SPTAN1: variants seen among roughly 807,000 people sequenced by gnomAD.
SPTAN1 encodes the protein spectrin alpha chain, non-erythrocytic 1.
SPTAN1 carries 61 observed loss-of-function variants against 331.3 expected under a neutral mutation model. The ratio of observed to expected loss-of-function variants is 0.18; its 90% confidence interval spans 0.15 to 0.23. The LOEUF (loss-of-function observed/expected upper bound fraction) is 0.23. Among genes scored for constraint, SPTAN1 ranks in the 10% least tolerant of loss-of-function variants. The pLI, the probability that SPTAN1 is intolerant of heterozygous loss-of-function variation, is 1.00. For synonymous variants in SPTAN1, 1,153 were observed against 1,173.9 expected (o/e 0.98, Z 0.36); for missense variants, 2,043 against 3,147.9 (o/e 0.65, Z 8.40).
intron 43 of SPTAN1, 42 bp downstream of exon 43, chr9:128,618,150 GC>G (rs945853139): frequency 1.2e-6 from 2 of 1,611,186 alleles, no homozygotes; most frequent in Non-Finnish European, 1.7e-6. Flanking sequence ...CAAGTGGAAG[GC>G]CAGCACCCAA....
At chr9:128,630,592 C>T (rs1181896077) in intron 52 of SPTAN1, 5 of 523,644 alleles carry the variant, frequency 9.5e-6, no homozygotes, top group African/African-American at 4.1e-5. Context: ...TGCAGTGGTG[C>T]GATATTGGCT....
chr9:128,594,414 G>A (rs1418618632), intron 24 of SPTAN1, 41 bp downstream of exon 24: 4 of 1,066,504 alleles, frequency 3.8e-6, no homozygotes, highest in East Asian at 2.5e-5. Context: ...TTTGTTTAAA[G>A]ATTTGAGTCT....
At position 128,632,794 on chromosome 9, in the gene SPTAN1, T is replaced by TC. The variant is rs750347402; in HGVS notation, c.7161-9dup. The TC allele has an allele frequency of 5.0e-6, 8 of 1,613,910 alleles. No individual in the cohort carries two copies. Among genetic ancestry groups the TC allele is most frequent in the South Asian group, 1.1e-5 (1 of 91,072 alleles). On this transcript the variant is annotated splice_polypyrimidine_tract_variant and intron_variant, in intron 55 of 56. Transcript: ENST00000372739. Reference sequence around the variant, plus strand: ...TGCCCTCCCTGCTCAGGCTCTTGCTTCCCCCGCTCCTAGAGATGGCCATGT... The same window carrying TC: ...TGCCCTCCCTGCTCAGGCTCTTGCTTCCCCCCGCTCCTAGAGATGGCCATGT...
At position 128,607,966 on chromosome 9, in the gene SPTAN1, G is replaced by T. The variant is rs749333383; in HGVS notation, c.4261G>T (p.Asp1421Tyr). The change falls in exon 33 of 57, where the codon GAT becomes TAT. Residue 1421 changes from aspartate to tyrosine, a missense_variant. Physicochemically the swap from Asp to Tyr is radical, Grantham distance 160. Coordinates refer to ENST00000372739, the MANE Select transcript of SPTAN1 (RefSeq NM_001130438.3). Reference protein sequence around the residue: ...YASPEIKQKLDILDQERADLE... With the variant: ...YASPEIKQKLYILDQERADLE... ...CAGCCCTGAGATCAAGCAGAAACTTGATATTCTTGACCAGGAGCGTGCAGA... is the reference window on the plus strand; with the variant it reads ...CAGCCCTGAGATCAAGCAGAAACTTTATATTCTTGACCAGGAGCGTGCAGA... 5.0e-6 allele frequency: 8 copies of T among 1,614,142 alleles called. No homozygotes were observed. In the East Asian group the frequency reaches 1.8e-4, roughly 36 times the overall value.
At position 128,574,737 on chromosome 9, in the gene SPTAN1, A is replaced by C. The variant is rs766860881; in HGVS notation, c.426A>C (p.Gly142=). ...TTTTGGAGAAGATGCGAGAAAAAGGAATCAAACTGCTGCAGGCCCAGAAGT... is the reference window on the plus strand; with the variant it reads ...TTTTGGAGAAGATGCGAGAAAAAGGCATCAAACTGCTGCAGGCCCAGAAGT... ...ELLLEKMREK[G]IKLLQAQKLV... Residue 142 remains glycine, a synonymous_variant, in exon 4 of 57, where the codon GGA becomes GGC. Coordinates refer to ENST00000372739, the MANE Select transcript of SPTAN1 (RefSeq NM_001130438.3). 4 of 1,614,222 alleles carry C rather than the reference A, an allele frequency of 2.5e-6. No homozygotes were observed. Among genetic ancestry groups the C allele is most frequent in the East Asian group, 4.5e-5 (2 of 44,890 alleles).
At chr9:128,583,717 A>G in intron 15 of SPTAN1, 71 bp from the exon 16 acceptor site, 8 of 1,508,738 alleles carry the variant, frequency 5.3e-6, no homozygotes, top group Middle Eastern at 1.7e-4. Flanking sequence ...CTAAGATACT[A>G]CTGTTCATGG....
Position 128,587,484 on chromosome 9 carries a change from A to G in SPTAN1, c.2779-122A>G. ...ATATTAGCACTGTAAGAAGGGCAGGAGGTGATTACGTCATTGTGCAACTGA... is the reference window on the plus strand; with the variant it reads ...ATATTAGCACTGTAAGAAGGGCAGGGGGTGATTACGTCATTGTGCAACTGA... On this transcript the variant is annotated intron_variant, in intron 19 of 56. Transcript: ENST00000372739. 1.7e-5 allele frequency: 13 copies of G among 770,522 alleles called. 1 individual carries two copies. The South Asian group carries it at 1.8e-4, about 11-fold the overall frequency. 47.7% of individuals were successfully genotyped at this position (770,522 alleles called of 1,614,324 possible).
At chr9:128,628,807 C>T (rs1377906004) in intron 51 of SPTAN1, 10 of 264,994 alleles carry the variant, frequency 3.8e-5, no homozygotes, top group African/African-American at 8.8e-5. Context: ...TCGCAGTTTC[C>T]GGCCTGTGCC....
intron 10 of SPTAN1, 90 bp downstream of exon 10, chr9:128,579,828 A>T: frequency 9.4e-7 from 1 of 1,065,748 alleles, no homozygotes; most frequent in Non-Finnish European, 1.4e-6. Context: ...ATATCCAGAG[A>T]ACGCATTCAC....
chr9:128,555,987 T>C (rs944322730), intron 1 of SPTAN1, among the ~76,000 whole-genome samples: 15 of 152,068 alleles, frequency 9.9e-5, no homozygotes, highest in African/African-American at 3.4e-4. Context: ...TTTGGGAGGC[T>C]AAGGTGGGTG....
At chr9:128,575,172 T>A in intron 4 of SPTAN1, 27 bp from the exon 5 acceptor site, 1 of 1,614,192 alleles carries the variant, frequency 6.2e-7, no homozygotes, top group Non-Finnish European at 8.5e-7. Context: ...GGTTGGTGAC[T>A]CTGGCTCTCT....
intron 52 of SPTAN1, 110 bp from the exon 53 acceptor site, chr9:128,632,017 G>C: frequency 9.1e-7 from 1 of 1,103,676 alleles, no homozygotes; most frequent in Non-Finnish European, 1.3e-6. Flanking sequence ...CTTGTTTTAC[G>C]AGGTCTCAGG....
Position 128,580,946 on chromosome 9 carries a change from G to T in SPTAN1, c.1348G>T (p.Ala450Ser), listed in dbSNP as rs768940761. The T allele has an allele frequency of 2.2e-5, 36 of 1,613,318 alleles. No homozygotes were observed. The highest frequency in any genetic ancestry group is 1.3e-4 in the Admixed American group (8 of 60,000). Residue 450 changes from alanine (A) to serine (S), a missense_variant, in exon 11 of 57, where the codon GCG becomes TCG. Physicochemically the swap from Ala to Ser is moderately conservative, Grantham distance 99. Coordinates refer to ENST00000372739, the MANE Select transcript of SPTAN1 (RefSeq NM_001130438.3). The stretch of plus-strand genomic sequence containing the variant: ...GCTGACCGTCCTTTCCGAGGAGAGA[G>T]CGGCGCTGCTGGAGCTGTGGGAGCT... ...EKLTVLSEER[A>S]ALLELWELRR...
rs1307231651 is a variant in SPTAN1 at position 128,604,379 on chromosome 9, G to A, written c.3681G>A (p.Gln1227=). 2.5e-6 allele frequency: 4 copies of A among 1,613,966 alleles called. No individual in the cohort carries two copies. In the Admixed American group the frequency reaches 6.7e-5, roughly 27 times the overall value. The change falls in exon 29 of 57, where the codon CAG becomes CAA. Residue 1227 remains glutamine (Q), a synonymous_variant. Coordinates refer to ENST00000372739, the MANE Select transcript of SPTAN1 (RefSeq NM_001130438.3). The part of the protein sequence containing the change: ...SLQQLAEERS[Q]LLGSAHEVQR... ...AGCAGCTGGCCGAGGAACGGAGCCA[G>A]CTCTTGGGCAGCGCCCATGAAGTAC...
At chr9:128,582,900 C>A (rs1852126571) in intron 14 of SPTAN1, 51 bp downstream of exon 14, 14 of 1,606,856 alleles carry the variant, frequency 8.7e-6, no homozygotes, top group Non-Finnish European at 1.2e-5. Flanking sequence ...AAGCTAAACA[C>A]AGCTCTCACA....
intron 9 of SPTAN1, among the ~76,000 whole-genome samples, chr9:128,579,183 G>A (rs1206808446): frequency 1.3e-5 from 2 of 152,158 alleles, no homozygotes; most frequent in Non-Finnish European, 2.9e-5. Flanking sequence ...AGGTATATGT[G>A]TGTGTTTCTT....
intron 11 of SPTAN1, among the ~76,000 whole-genome samples, chr9:128,581,483 A>C (rs941122985): frequency 2.1e-4 from 32 of 151,454 alleles, no homozygotes; most frequent in African/African-American, 7.8e-4. Context: ...ACAAAAAAAA[A>C]AAAAACAAAC....
intron 23 of SPTAN1, chr9:128,593,331 A>G: frequency 2.0e-6 from 1 of 505,990 alleles, no homozygotes; most frequent in South Asian, 2.0e-5. Context: ...ATCAGCAGCA[A>G]ACCTGAAGGC....
chr9:128,573,492 G>T (rs1331450127), intron 3 of SPTAN1, among the ~76,000 whole-genome samples: 1 of 152,094 alleles, frequency 6.6e-6, no homozygotes, highest in South Asian at 2.1e-4. Context: ...TTCTTGTTCT[G>T]TTGCCCAAAG....
Sources: allele counts gnomAD v4.1 joint callset (sites outside exome capture counted in the v4.1 genomes callset), GRCh38; gene constraint gnomAD v4.1.1; transcripts MANE v1.5; gene names NCBI Gene and HGNC (gene_info 2026-07-23, HGNC 2026-07-21).